SND1: variants seen among roughly 807,000 people sequenced by gnomAD.
SND1 encodes staphylococcal nuclease domain-containing protein 1.
A neutral mutation model predicts 121.7 loss-of-function variants in SND1; 38 were observed. The observed-to-expected ratio is 0.31, with a 90% CI of 0.24 to 0.41. The LOEUF is 0.41. Ranked by LOEUF, SND1 falls within the 10% of genes least tolerant of loss-of-function variation. The probability of loss-of-function intolerance (pLI) is 1.00; values close to 1 mark genes in which losing one functional copy is unlikely to be tolerated. For missense variants in SND1, 868 were observed against 1,184.6 expected (o/e 0.73, Z 3.92); for synonymous variants, 401 against 447.4 (o/e 0.90, Z 1.31).
At chr7:127,659,623 G>A (rs1795273886) in intron 1 of SND1, among the ~76,000 whole-genome samples, 1 of 152,152 alleles carries the variant, frequency 6.6e-6, no homozygotes, top group Non-Finnish European at 1.5e-5. Flanking sequence ...CCAACCTCAT[G>A]TATATCAAGA....
At chr7:127,845,928 ATACTT>A (rs1384213829) in intron 12 of SND1, among the ~76,000 whole-genome samples, 2 of 152,210 alleles carry the variant, frequency 1.3e-5, no homozygotes, top group Non-Finnish European at 2.9e-5. Flanking sequence ...ATAATTTAAA[ATACTT>A]TACAGGGCAG....
intron 10 of SND1, among the ~76,000 whole-genome samples, chr7:127,776,015 G>A (rs1301219439): frequency 6.6e-6 from 1 of 152,158 alleles, no homozygotes; most frequent in Non-Finnish European, 1.5e-5. Flanking sequence ...CAACGTCCAT[G>A]TTAAAGCCAG....
intron 14 of SND1, among the ~76,000 whole-genome samples, chr7:127,906,620 A>G (rs2116769319): frequency 6.6e-6 from 1 of 152,292 alleles, no homozygotes; most frequent in Non-Finnish European, 1.5e-5. Context: ...AGGGCCTTCC[A>G]GAAGCTGATT....
At chr7:128,046,365 GTTTTT>G (rs373853260) in intron 16 of SND1, among the ~76,000 whole-genome samples, 1 of 115,276 alleles carries the variant, frequency 8.7e-6, no homozygotes, top group Non-Finnish European at 1.8e-5. Context: ...TTGTTGTTGT[GTTTTT>G]TTTTTTTTTT....
chr7:127,996,888 T>A (rs1413598921), intron 16 of SND1, among the ~76,000 whole-genome samples: 1 of 152,212 alleles, frequency 6.6e-6, no homozygotes, highest in African/African-American at 2.4e-5. Flanking sequence ...TCCCCACACA[T>A]GCTTGACAGT....
At chr7:127,969,970 A>G (rs1364549489) in intron 15 of SND1, among the ~76,000 whole-genome samples, 1 of 152,164 alleles carries the variant, frequency 6.6e-6, no homozygotes, top group East Asian at 1.9e-4. Context: ...TGATGCCTTT[A>G]TTTAAAAAGT....
At position 128,085,654 on chromosome 7, in the gene SND1, T is replaced by C; in HGVS notation, c.2235-57T>C. ...CCCTGCCCCGCCATTGCTGAGGCTC[T>C]GGGAGCCCAGAGTCCTCAGGGCTGT... On this transcript the variant is annotated intron_variant, in intron 19 of 23. Transcript: ENST00000354725. This position sits in a 1 kb window ranked among gnomAD's most constrained non-coding sequence, Gnocchi z 4.4. 6 of 1,507,148 alleles carry C rather than the reference T, an allele frequency of 4.0e-6. No homozygotes were observed. Among genetic ancestry groups the C allele is most frequent in the Non-Finnish European group, 4.6e-6 (5 of 1,084,120 alleles). The allele number at this position is 1,507,148 out of a possible 1,614,324, so 93.4% of individuals were successfully genotyped here.
intron 16 of SND1, chr7:128,008,208 A>G (rs1256045457): frequency 6.6e-6 from 1 of 152,254 alleles, no homozygotes; most frequent in Non-Finnish European, 1.5e-5. Flanking sequence ...AGCCTAAGTT[A>G]GAGAAGTCAT....
intron 16 of SND1, among the ~76,000 whole-genome samples, chr7:128,009,278 C>G (rs1372737670): frequency 6.6e-6 from 1 of 152,156 alleles, no homozygotes; most frequent in African/African-American, 2.4e-5. Flanking sequence ...GCCTGGTGAG[C>G]CTGGTGCACT....
intron 2 of SND1, among the ~76,000 whole-genome samples, chr7:127,694,025 G>T (rs1795967432): frequency 6.6e-6 from 1 of 152,162 alleles, no homozygotes; most frequent in South Asian, 2.1e-4. Context: ...CAGTCCTCGT[G>T]TCTGTGCATG....
intron 11 of SND1, among the ~76,000 whole-genome samples, chr7:127,813,172 C>A (rs1265876274): frequency 1.3e-5 from 2 of 152,270 alleles, no homozygotes; most frequent in East Asian, 3.9e-4. Context: ...TAATTTCCGA[C>A]CATGCATTTT....
chr7:127,721,110 G>A (rs1420223847), intron 9 of SND1, among the ~76,000 whole-genome samples, 177 bp from the exon 10 acceptor site: 1 of 152,124 alleles, frequency 6.6e-6, no homozygotes. Context: ...AGGTCTCTGG[G>A]AACTGATAAT....
At chr7:127,673,459 A>G (rs1363221801) in intron 1 of SND1, among the ~76,000 whole-genome samples, 1 of 152,012 alleles carries the variant, frequency 6.6e-6, no homozygotes, top group Non-Finnish European at 1.5e-5. Flanking sequence ...CTACAGACAC[A>G]TGTCACCATG....
In SND1 at chr7:128,074,389, G is replaced by A. The variant is rs143638234; in HGVS notation, c.1780-113G>A. 661 of 1,079,644 alleles carry A rather than the reference G, an allele frequency of 6.1e-4. 6 individuals carry two copies. In the East Asian group the frequency reaches 0.016, roughly 27 times the overall value. 66.9% of individuals were successfully genotyped at this position (1,079,644 alleles called of 1,614,324 possible). ...CTGGGGGTTCCCAGAGGTTGGCAGC[G>A]GCTGCCAAGGCCTGTGAGCCCAAGG... On this transcript the variant is annotated intron_variant, in intron 16 of 23. Coordinates refer to ENST00000354725, the MANE Select transcript of SND1 (RefSeq NM_014390.4).
chr7:127,848,685 A>G (rs1468363585), intron 12 of SND1, among the ~76,000 whole-genome samples: 1 of 152,238 alleles, frequency 6.6e-6, no homozygotes, highest in African/African-American at 2.4e-5. Context: ...CTGTAACTAC[A>G]GAAGAGCTTC....
intron 15 of SND1, among the ~76,000 whole-genome samples, chr7:127,974,078 A>G (rs1223148211): frequency 6.6e-6 from 1 of 152,202 alleles, no homozygotes. Flanking sequence ...CTTCACTTAC[A>G]TAAGATGTGT....
rs139272067 is a variant in SND1, at chr7:127,806,890, C to T, written c.1153-594C>T. 4.5e-3 allele frequency among the ~76,000 whole-genome samples: 691 copies of T among 152,168 alleles called. 7 individuals carry two copies. Among genetic ancestry groups the T allele is most frequent in the African/African-American group, 0.016 (659 of 41,508 alleles). On this transcript the variant is annotated intron_variant, in intron 10 of 23. Coordinates refer to ENST00000354725, the MANE Select transcript of SND1 (RefSeq NM_014390.4). Reference sequence around the variant, plus strand: ...ACAAGAGTTGCTTGAACCCAGGAGGCGGAGGTTGCAGTGAGCCAAGATCAT... The same window carrying T: ...ACAAGAGTTGCTTGAACCCAGGAGGTGGAGGTTGCAGTGAGCCAAGATCAT...
chr7:127,932,666 A>T (rs1479027970), intron 15 of SND1, among the ~76,000 whole-genome samples: 1 of 152,150 alleles, frequency 6.6e-6, no homozygotes, highest in Non-Finnish European at 1.5e-5. Context: ...AACAAACCTC[A>T]TTGTTTTTTT....
chr7:128,070,538 C>T (rs1361542168), intron 16 of SND1, among the ~76,000 whole-genome samples: 1 of 152,190 alleles, frequency 6.6e-6, no homozygotes, highest in African/African-American at 2.4e-5. Flanking sequence ...TGAAACACTC[C>T]AAGATGCCCA....
Sources: gnomAD v4.1 joint callset for allele counts (sites outside exome capture counted in the v4.1 genomes callset) on GRCh38, gnomAD v4.1.1 for gene constraint, Gnocchi (gnomAD v3.1) non-coding constraint, MANE v1.5 for transcripts, NCBI Gene and HGNC (gene_info 2026-07-23, HGNC 2026-07-21) for gene names.